PCDHA4: variants seen among roughly 807,000 people sequenced by gnomAD.
The protein encoded by PCDHA4 is protocadherin alpha-4.
In PCDHA4, 49 loss-of-function variants were observed where a neutral mutation model predicts 61.4. The ratio of observed to expected loss-of-function variants is 0.80; its 90% CI spans 0.63 to 1.01. PCDHA4 has a LOEUF of 1.01. Among genes scored for constraint, PCDHA4 ranks in the 50% least tolerant of loss-of-function variants. PCDHA4 has a pLI of 0.00. For synonymous variants in PCDHA4, 590 were observed against 550.3 expected (o/e 1.07, Z -1.01); for missense variants, 1,254 against 1,235.8 (o/e 1.01, Z -0.22).
intron 1 of PCDHA4, chr5:140,829,924 G>T: frequency 6.2e-7 from 1 of 1,614,014 alleles, no homozygotes; most frequent in Non-Finnish European, 8.5e-7. Context: ...CGTATGAGCT[G>T]CAGCCCCCGG....
Position 140,807,298 on chromosome 5 carries a change from G to A in PCDHA4, c.111G>A (p.Glu37=), listed in dbSNP as rs1269020710. ...GNGQLHYSVS[E]EAKHGTFVGR... is the part of the protein sequence containing the mutation. Reference sequence around the variant, plus strand: ...GTCAGCTCCACTACTCGGTCTCCGAGGAGGCCAAACACGGCACCTTCGTGG... The same window carrying A: ...GTCAGCTCCACTACTCGGTCTCCGAAGAGGCCAAACACGGCACCTTCGTGG... Residue 37 remains glutamate, a synonymous_variant, in exon 1 of 4, where the codon GAG becomes GAA. Transcript: ENST00000530339. 3.7e-6 allele frequency: 6 copies of A among 1,614,096 alleles called. No individual in the cohort carries two copies. Among genetic ancestry groups the A allele is most frequent in the Non-Finnish European group, 5.1e-6 (6 of 1,180,046 alleles).
At chr5:140,853,596 A>G (rs2042799204) in intron 1 of PCDHA4, 1 of 986,974 alleles carries the variant, frequency 1.0e-6, no homozygotes, top group Non-Finnish European at 1.2e-6. Flanking sequence ...ACACTTTGAG[A>G]GCAAAGGGGG....
At chr5:140,815,379 C>T (rs2126663847) in intron 1 of PCDHA4, 4 of 152,020 alleles carry the variant, frequency 2.6e-5, no homozygotes, top group Admixed American at 2.6e-4. Context: ...TTTGTGGTTA[C>T]CATGGGGCTT....
Position 140,842,183 on chromosome 5 carries a change from A to G in PCDHA4, c.2385+32611A>G, listed in dbSNP as rs1554138845. On this transcript the variant is annotated intron_variant, in intron 1 of 3. Transcript: ENST00000530339. ...TTCTTTTAATAGCCTTGTTGAAACT[A>G]TGGTTATTGACCACTTTAGCATAGA... is the stretch of plus-strand genomic sequence containing the variant. The G allele has an allele frequency of 1.9e-6, 3 of 1,613,754 alleles. No individual in the cohort carries two copies. In the East Asian group the frequency reaches 6.7e-5, roughly 36 times the overall value.
At chr5:140,810,798 T>A (rs1554125570) in intron 1 of PCDHA4, 1 of 152,102 alleles carries the variant, frequency 6.6e-6, no homozygotes, top group Non-Finnish European at 1.5e-5. Context: ...TCATGGCTAG[T>A]TTTTAATTCT....
Position 140,807,099 on chromosome 5 carries a change from G to A in PCDHA4, c.-89G>A. The A allele has an allele frequency of 7.1e-7, 1 of 1,404,378 alleles. No individual in the cohort carries two copies. Among genetic ancestry groups the A allele is most frequent in the Non-Finnish European group, 9.8e-7 (1 of 1,025,040 alleles). The allele number at this position is 1,404,378 out of a possible 1,614,324, so 87.0% of individuals were successfully genotyped here. On this transcript the variant is annotated 5_prime_UTR_variant, in exon 1 of 4. Coordinates refer to ENST00000530339, the MANE Select transcript of PCDHA4 (RefSeq NM_018907.4). Reference sequence around the variant, plus strand: ...ACTCTTTGGAGTCTGAAATATGGAGGATGCAGCTGCACTTGACTGACCGAT... The same window carrying A: ...ACTCTTTGGAGTCTGAAATATGGAGAATGCAGCTGCACTTGACTGACCGAT...
chr5:140,858,914 A>C, intron 1 of PCDHA4: 1 of 181,616 alleles, frequency 5.5e-6, no homozygotes, highest in Non-Finnish European at 1.1e-5. Flanking sequence ...CACAGCTTAT[A>C]CTGCCATAGT....
intron 1 of PCDHA4, among the ~76,000 whole-genome samples, chr5:140,903,657 A>G (rs913315008): frequency 6.6e-6 from 1 of 152,230 alleles, no homozygotes; most frequent in Non-Finnish European, 1.5e-5. Flanking sequence ...TATATTATAA[A>G]TTTAACTGAT....
chr5:140,875,938 G>A (rs375005102), intron 1 of PCDHA4: 5 of 1,614,020 alleles, frequency 3.1e-6, no homozygotes, highest in Middle Eastern at 1.6e-4. Flanking sequence ...TCCTCTAGAG[G>A]GCGCTTCTGA....
At chr5:140,962,312 A>G (rs2095671896) in intron 1 of PCDHA4, among the ~76,000 whole-genome samples, 1 of 152,204 alleles carries the variant, frequency 6.6e-6, no homozygotes, top group African/African-American at 2.4e-5. Context: ...TTGTTAGGCC[A>G]TCTCAATTGA....
chr5:140,822,292 C>T, intron 1 of PCDHA4: 1 of 1,614,190 alleles, frequency 6.2e-7, no homozygotes. Context: ...CAGGTTAAAT[C>T]CAAACGAATA....
At chr5:140,883,626 C>T (rs782798960) in intron 1 of PCDHA4, 3 of 1,613,850 alleles carry the variant, frequency 1.9e-6, no homozygotes, top group Non-Finnish European at 2.5e-6. Flanking sequence ...GACAACGCGC[C>T]GGCGTTCGCG....
rs75377875 is a variant in PCDHA4 at position 140,902,598 on chromosome 5, C to T, written c.2386-76351C>T. The stretch of plus-strand genomic sequence containing the variant: ...ATTTCAATAGTTTTGGGAAACAGGT[C>T]GTTTTCAGTTACATGGGTAAGTTAT... On this transcript the variant is annotated intron_variant, in intron 1 of 3. Coordinates refer to ENST00000530339, the MANE Select transcript of PCDHA4 (RefSeq NM_018907.4). Among the ~76,000 whole-genome samples, 274 of 152,044 alleles carry T rather than the reference C, an allele frequency of 1.8e-3. 4 individuals are homozygous for T. In the East Asian group the frequency reaches 0.048, roughly 27 times the overall value.
In PCDHA4 at chr5:140,951,110, T is replaced by A. The variant is rs1230697929; in HGVS notation, c.2386-27839T>A. Reference sequence around the variant, plus strand: ...TTTTTCTGATAAGATTTCCTTTATTTTCATTCCTTACCAATAAGTTTTCCT... The same window carrying A: ...TTTTTCTGATAAGATTTCCTTTATTATCATTCCTTACCAATAAGTTTTCCT... On this transcript the variant is annotated intron_variant, in intron 1 of 3. Transcript: ENST00000530339. Among the ~76,000 whole-genome samples, 5 of 150,004 alleles carry A rather than the reference T, an allele frequency of 3.3e-5. No homozygotes were observed. The East Asian group carries it at 9.8e-4, about 29-fold the overall frequency.
intron 1 of PCDHA4, among the ~76,000 whole-genome samples, chr5:140,922,827 A>G (rs2081011863): frequency 1.3e-5 from 2 of 152,244 alleles, no homozygotes; most frequent in South Asian, 4.1e-4. Context: ...GCATACTGCT[A>G]ATAGATGTCC....
At chr5:140,809,705 A>G in intron 1 of PCDHA4, 133 bp downstream of exon 1, 2 of 1,097,976 alleles carry the variant, frequency 1.8e-6, no homozygotes, top group Non-Finnish European at 2.6e-6. Flanking sequence ...TTTTAACTAA[A>G]GTCTTTTGGA....
intron 1 of PCDHA4, chr5:140,830,343 C>A (rs2150185146): frequency 6.2e-7 from 1 of 1,614,058 alleles, no homozygotes; most frequent in South Asian, 1.1e-5. Flanking sequence ...TGGTCGTACT[C>A]GCAGCAGAGG....
chr5:140,856,038 A>G (rs2043738417), intron 1 of PCDHA4: 2 of 1,568,894 alleles, frequency 1.3e-6, no homozygotes, highest in Non-Finnish European at 1.7e-6. Context: ...GTAAAACAAG[A>G]GAAGGATAAG....
intron 1 of PCDHA4, chr5:140,859,188 C>T (rs2045759773): frequency 6.7e-6 from 1 of 149,820 alleles, no homozygotes; most frequent in Non-Finnish European, 1.5e-5. Flanking sequence ...TTAGGCATTG[C>T]TTATGATATT....
Sources: gnomAD v4.1 joint callset for allele counts (sites outside exome capture counted in the v4.1 genomes callset) on GRCh38, gnomAD v4.1.1 for gene constraint, MANE v1.5 for transcripts, NCBI Gene and HGNC (gene_info 2026-07-23, HGNC 2026-07-21) for gene names.